The following LOXHD1 variants were observed in gnomAD, a reference collection of about 807,000 sequenced individuals.
The protein encoded by LOXHD1 is lipoxygenase homology PLAT domains 1.
A neutral mutation model predicts 248.2 loss-of-function variants in LOXHD1; 205 were observed. That is an observed-to-expected ratio of 0.83 (90% CI 0.74 to 0.93). The LOEUF (loss-of-function observed/expected upper bound fraction) is 0.93, where lower values mean the gene tolerates loss of function less well. Among genes scored for constraint, LOXHD1 ranks in the 40% least tolerant of loss-of-function variants. The pLI, the probability that LOXHD1 is intolerant of heterozygous loss-of-function variation, is 0.00. For synonymous variants in LOXHD1, 1,113 were observed against 1,162.8 expected, an observed-to-expected ratio of 0.96 and a Z score of 0.87; for missense variants, 2,930 against 2,971.6, an observed-to-expected ratio of 0.99 and a Z score of 0.33.
At chr18:46,506,239 T>C (rs1041135975) in intron 36 of LOXHD1, among the ~76,000 whole-genome samples, 1 of 152,212 alleles carries the variant, frequency 6.6e-6, no homozygotes, top group Non-Finnish European at 1.5e-5. Context: ...CAAAAGCTTT[T>C]GGTCTAACTG....
chr18:46,544,745 C>A (rs985326561), intron 23 of LOXHD1: 4 of 462,214 alleles, frequency 8.7e-6, no homozygotes, highest in African/African-American at 4.0e-5. Context: ...AGTCTCCATG[C>A]TCTCTACCAG....
chr18:46,555,253 G>A (rs1211990387), intron 21 of LOXHD1: 1 of 464,708 alleles, frequency 2.2e-6, no homozygotes, highest in Non-Finnish European at 4.5e-6. Context: ...AGTTAGGCTG[G>A]CAACATTAAG....
intron 35 of LOXHD1, among the ~76,000 whole-genome samples, chr18:46,508,514 G>A (rs1047017060): frequency 6.6e-6 from 1 of 152,158 alleles, no homozygotes; most frequent in Admixed American, 6.5e-5. Context: ...AGCCTTCAGA[G>A]GGAGTGTGGC....
chr18:46,538,742 G>T (rs2036429892), intron 25 of LOXHD1, among the ~76,000 whole-genome samples: 2 of 152,188 alleles, frequency 1.3e-5, no homozygotes, highest in African/African-American at 4.8e-5. Context: ...TCGACATGGT[G>T]CTTGGCTGAA....
intron 8 of LOXHD1, among the ~76,000 whole-genome samples, 162 bp downstream of exon 8, chr18:46,601,055 A>G (rs1038936800): frequency 6.6e-6 from 1 of 152,214 alleles, no homozygotes; most frequent in Non-Finnish European, 1.5e-5. Context: ...TTTTGAGGCA[A>G]GATAGACGGA....
intron 23 of LOXHD1, 74 bp downstream of exon 23, chr18:46,545,243 G>A: frequency 9.0e-7 from 1 of 1,115,408 alleles, no homozygotes; most frequent in Non-Finnish European, 1.3e-6. Context: ...ATTCCCCTTG[G>A]AAATTTCTGC....
At chr18:46,563,887 C>T (rs935295348) in intron 17 of LOXHD1, among the ~76,000 whole-genome samples, 3 of 152,016 alleles carry the variant, frequency 2.0e-5, no homozygotes, top group African/African-American at 7.3e-5. Flanking sequence ...TGAGGCAGCC[C>T]TAGCACAGTA....
chr18:46,603,155 G>C (rs139903307), intron 7 of LOXHD1, among the ~76,000 whole-genome samples: 1 of 152,190 alleles, frequency 6.6e-6, no homozygotes, highest in Non-Finnish European at 1.5e-5. Context: ...GGCCAGAGAA[G>C]GTCAGGGAGG....
intron 40 of LOXHD1, among the ~76,000 whole-genome samples, chr18:46,479,097 G>A (rs1214833949): frequency 6.6e-6 from 1 of 152,010 alleles, no homozygotes; most frequent in East Asian, 1.9e-4. Context: ...TTTGTACCTG[G>A]TGTTGTCACC....
At chr18:46,592,379 C>A (rs2038187599) in intron 11 of LOXHD1, 119 bp downstream of exon 11, 2 of 870,172 alleles carry the variant, frequency 2.3e-6, no homozygotes, top group Non-Finnish European at 3.6e-6. Flanking sequence ...CACCATAACC[C>A]TTTTCAGTCC....
At chr18:46,571,232 C>T (rs1312106019) in intron 15 of LOXHD1, among the ~76,000 whole-genome samples, 1 of 152,112 alleles carries the variant, frequency 6.6e-6, no homozygotes, top group Non-Finnish European at 1.5e-5. Flanking sequence ...CTTTGGGTGG[C>T]CAAGGTGGGT....
chr18:46,479,646 T>C (rs563997555), intron 40 of LOXHD1, among the ~76,000 whole-genome samples: 15 of 151,840 alleles, frequency 9.9e-5, no homozygotes, highest in African/African-American at 1.4e-4. Flanking sequence ...GCTAATATGC[T>C]AACACCTTTG....
At chr18:46,508,215 G>T (rs1353505213) in intron 35 of LOXHD1, among the ~76,000 whole-genome samples, 1 of 152,176 alleles carries the variant, frequency 6.6e-6, no homozygotes, top group East Asian at 1.9e-4. Context: ...GGTTGCATGG[G>T]CTGACTCAGG....
intron 21 of LOXHD1, among the ~76,000 whole-genome samples, chr18:46,556,034 AG>A (rs1454808076): frequency 6.6e-6 from 1 of 151,682 alleles, no homozygotes; most frequent in Admixed American, 6.6e-5. Context: ...AATCTAAGGA[AG>A]GATAATATTT....
intron 3 of LOXHD1, among the ~76,000 whole-genome samples, chr18:46,641,515 G>A (rs2038962784): frequency 6.6e-6 from 1 of 152,186 alleles, no homozygotes. Context: ...TGTTTACTGT[G>A]TGCCAGTTAC....
chr18:46,542,664 C>A, intron 24 of LOXHD1, 63 bp downstream of exon 24: 1 of 1,531,746 alleles, frequency 6.5e-7, no homozygotes, highest in South Asian at 1.2e-5. Flanking sequence ...TCCCAGATGC[C>A]CACAAGGACC....
intron 37 of LOXHD1, among the ~76,000 whole-genome samples, chr18:46,498,044 T>C (rs2033988583): frequency 6.6e-6 from 1 of 152,250 alleles, no homozygotes; most frequent in Non-Finnish European, 1.5e-5. Context: ...CCCCTCTTTT[T>C]CATGCCTAGG....
intron 3 of LOXHD1, among the ~76,000 whole-genome samples, chr18:46,640,742 G>A (rs1308017854): frequency 6.6e-6 from 1 of 152,148 alleles, no homozygotes; most frequent in Non-Finnish European, 1.5e-5. Flanking sequence ...CATATGGTCA[G>A]GGGCTACTGC....
chr18:46,552,021 A>G (rs1448906957), intron 21 of LOXHD1, among the ~76,000 whole-genome samples: 1 of 152,198 alleles, frequency 6.6e-6, no homozygotes, highest in Non-Finnish European at 1.5e-5. Flanking sequence ...AGAGACAAAA[A>G]GTGGAATGGT....
Sources: gnomAD v4.1 joint callset for allele counts (sites outside exome capture counted in the v4.1 genomes callset) on GRCh38, gnomAD v4.1.1 for gene constraint, MANE v1.5 for transcripts, NCBI Gene and HGNC (gene_info 2026-07-23, HGNC 2026-07-21) for gene names.